Variants in TLR5 observed in about 807,000 individuals in gnomAD.
TLR5 encodes toll like receptor 5.
For synonymous variants in TLR5, 373 were observed against 384.4 expected (o/e 0.97, Z 0.35); for missense variants, 944 against 999.8 (o/e 0.94, Z 0.75).
At chr1:223,116,598 T>TGGGCTGCCACTGCTGGCCGCCGC (rs1558122991) in intron 5 of TLR5, among the ~76,000 whole-genome samples, 1 of 152,144 alleles carries the variant, frequency 6.6e-6, no homozygotes, top group Admixed American at 6.5e-5. Flanking sequence ...ACGACCGCAG[T>TGGGCTGCCACTGCTGGCCGCCGC]GGGCTGCCAC....
In TLR5 at chr1:223,109,878, GA is replaced by G. The variant is rs1156914834; in HGVS notation, c.*576del. ...CTGGAGAAGCCGAAGGTAAGAACAT[GA>G]AGTGCAGTACAGTCACAAGACAGGT... On this transcript the variant is annotated 3_prime_UTR_variant, in exon 6 of 6. Transcript: ENST00000642603. 1 of 155,348 alleles carries G rather than the reference GA, an allele frequency of 6.4e-6. No homozygotes were observed. Among genetic ancestry groups the G allele is most frequent in the Non-Finnish European group, 1.4e-5 (1 of 70,082 alleles). 9.6% of individuals were successfully genotyped at this position (155,348 alleles called of 1,614,324 possible).
intron 5 of TLR5, among the ~76,000 whole-genome samples, chr1:223,125,767 G>A (rs1657140610): frequency 6.6e-6 from 1 of 152,120 alleles, no homozygotes; most frequent in African/African-American, 2.4e-5. Context: ...GCTACACACC[G>A]GAATCACCAG....
intron 5 of TLR5, among the ~76,000 whole-genome samples, chr1:223,121,805 C>T (rs1172767899): frequency 6.6e-6 from 1 of 152,206 alleles, no homozygotes; most frequent in African/African-American, 2.4e-5. Flanking sequence ...CAGGCATGTG[C>T]CTGGCCAGTG....
chr1:223,110,489 T>G lies in TLR5; in HGVS notation c.2543A>C (p.Asn848Thr). ...KKEKEKKKDN[N>T]IPLQTVATIS ...GGTTGCTACAGTTTGCAACGGAATG[T>G]TATTGTCTTTCTTCTTTTCTTTTTC... is the stretch of plus-strand genomic sequence containing the variant. Residue 848 changes from asparagine (N) to threonine (T), a missense_variant, in exon 6 of 6, where the codon AAC becomes ACC. Transcript: ENST00000642603. 6.2e-7 allele frequency: 1 copy of G among 1,614,140 alleles called. No homozygotes were observed. Among genetic ancestry groups the G allele is most frequent in the East Asian group, 2.2e-5 (1 of 44,886 alleles).
chr1:223,133,859 G>T (rs1396371783), intron 4 of TLR5, among the ~76,000 whole-genome samples: 2 of 152,166 alleles, frequency 1.3e-5, no homozygotes. Context: ...CGCAAAAGGG[G>T]CAGGGACCGA....
In TLR5 at chr1:223,110,391, T is replaced by G. The variant is rs2102854582; in HGVS notation, c.*64A>C. On this transcript the variant is annotated 3_prime_UTR_variant, in exon 6 of 6. Coordinates refer to ENST00000642603, the MANE Select transcript of TLR5 (RefSeq NM_003268.6). ...CCAGAGAGGACCCCAAAATGATAAC[T>G]TGGTGCAAATACAAAGTGAAGAGTT... 1.3e-6 allele frequency: 2 copies of G among 1,577,304 alleles called. No individual in the cohort carries two copies. The highest frequency in any genetic ancestry group is 1.7e-6 in the Non-Finnish European group (2 of 1,150,728).
At chr1:223,141,834 G>C (rs1023741939) in intron 1 of TLR5, 71 bp from the exon 2 acceptor site, 9 of 142,686 alleles carry the variant, frequency 6.3e-5, no homozygotes, top group African/African-American at 2.3e-4. Context: ...GAGAGAGAGA[G>C]AGAGAGAGAG....
At position 223,111,994 on chromosome 1, in the gene TLR5, G is replaced by T. The variant is rs1558117982; in HGVS notation, c.1038C>A (p.Asn346Lys). Residue 346 changes from asparagine (N) to lysine (K), a missense_variant, in exon 6 of 6, where the codon AAC (asparagine) becomes AAA (lysine). Asn to Lys is a moderately conservative substitution (Grantham distance 94). Transcript: ENST00000642603. ...DNLQVLNLSYNLLGELYSSNF... is the reference protein window; with the variant it reads ...DNLQVLNLSYKLLGELYSSNF... ...TCGAACTGTAAAGTTCCCCCAGAAGGTTATATGACAAATTGAGAACTTGGA... is the reference window on the plus strand; with the variant it reads ...TCGAACTGTAAAGTTCCCCCAGAAGTTTATATGACAAATTGAGAACTTGGA... 5 of 1,614,154 alleles carry T rather than the reference G, an allele frequency of 3.1e-6. No homozygotes were observed. The highest frequency in any genetic ancestry group is 4.2e-6 in the Non-Finnish European group (5 of 1,180,016).
chr1:223,121,421 G>A lies in TLR5; in HGVS notation c.-4-8386C>T, dbSNP rs183905932. Among the ~76,000 whole-genome samples, 419 of 152,322 alleles carry A rather than the reference G, an allele frequency of 2.8e-3. 1 individual carries two copies. Among genetic ancestry groups the A allele is most frequent in the Admixed American group, 4.4e-3 (67 of 15,302 alleles). The stretch of plus-strand genomic sequence containing the variant: ...TCTGACAGTGCTGCAGTGCCGAGAG[G>A]TAAAGCTTCCAGGTCTTTTTCCACA... On this transcript the variant is annotated intron_variant, in intron 5 of 5. Transcript: ENST00000642603.
chr1:223,123,953 AGCT>A, intron 5 of TLR5: 1 of 152,380 alleles, frequency 6.6e-6, no homozygotes, highest in South Asian at 2.1e-4. Flanking sequence ...GGGGGCAGTG[AGCT>A]GCTCACTCAT....
chr1:223,123,068 T>C (rs1657015712), intron 5 of TLR5, among the ~76,000 whole-genome samples: 3 of 152,194 alleles, frequency 2.0e-5, no homozygotes, highest in East Asian at 1.9e-4. Context: ...GACTCTAAGA[T>C]ATAAATATGT....
At chr1:223,142,838 T>G (rs922582029) in intron 1 of TLR5, among the ~76,000 whole-genome samples, 2 of 151,744 alleles carry the variant, frequency 1.3e-5, no homozygotes, top group African/African-American at 4.8e-5. Context: ...TTCCACAGGG[T>G]GGGGGCGAGA....
chr1:223,116,655 A>G (rs1448381821), intron 5 of TLR5, among the ~76,000 whole-genome samples: 2 of 152,144 alleles, frequency 1.3e-5, no homozygotes, highest in African/African-American at 4.8e-5. Flanking sequence ...GGCCCCACCG[A>G]CATCCTGCTT....
chr1:223,115,724 G>A (rs1052280039), intron 5 of TLR5, among the ~76,000 whole-genome samples: 3 of 152,174 alleles, frequency 2.0e-5, no homozygotes, highest in Non-Finnish European at 2.9e-5. Flanking sequence ...AAAAGGAGAT[G>A]GGGGTGCCAT....
chr1:223,139,408 T>C (rs1657748469), intron 2 of TLR5, among the ~76,000 whole-genome samples: 2 of 152,172 alleles, frequency 1.3e-5, no homozygotes, highest in African/African-American at 4.8e-5. Flanking sequence ...GAGGGTGTGA[T>C]AAATGCTGTT....
intron 5 of TLR5, among the ~76,000 whole-genome samples, chr1:223,124,329 G>T (rs924380884): frequency 6.6e-6 from 1 of 151,926 alleles, no homozygotes; most frequent in African/African-American, 2.4e-5. Flanking sequence ...TGTAATTCCA[G>T]CTACTTGGGA....
chr1:223,140,546 C>CA (rs11388643), intron 2 of TLR5, among the ~76,000 whole-genome samples: 78,721 of 122,402 alleles, frequency 0.64, 24,219 homozygotes, highest in East Asian at 0.85. Flanking sequence ...GACTCTGTCT[C>CA]AAAAAAAAAA....
chr1:223,137,708 A>G (rs1217868636), intron 2 of TLR5, among the ~76,000 whole-genome samples: 1 of 152,204 alleles, frequency 6.6e-6, no homozygotes, highest in Non-Finnish European at 1.5e-5. Flanking sequence ...AGTGAACAAT[A>G]TGAATATTTA....
At position 223,112,294 on chromosome 1, in the gene TLR5, A is replaced by G; in HGVS notation, c.738T>C (p.Phe246=). The G allele has an allele frequency of 6.2e-7, 1 of 1,614,216 alleles. No individual in the cohort carries two copies. Among genetic ancestry groups the G allele is most frequent in the Non-Finnish European group, 8.5e-7 (1 of 1,180,038 alleles). The change falls in exon 6 of 6, where the codon TTT becomes TTC. Residue 246 remains phenylalanine (F), a synonymous_variant. Transcript: ENST00000642603. ...CCTGGCTTTTGCTGATGGCATTGCT[A>G]AAGTTTCCTGTGATGTCCACTGTCC... ...NGWTVDITGN[F]SNAISKSQAF...
Sources: allele counts gnomAD v4.1 joint callset (sites outside exome capture counted in the v4.1 genomes callset), GRCh38; gene constraint gnomAD v4.1.1; transcripts MANE v1.5; gene names NCBI Gene and HGNC (gene_info 2026-07-23, HGNC 2026-07-21).